Variants in PLIN3 observed in about 807,000 individuals in gnomAD.
The protein encoded by PLIN3 is perilipin-3.
A neutral mutation model predicts 35.9 loss-of-function variants in PLIN3; 30 were observed. The ratio of observed to expected loss-of-function variants is 0.84; its 90% CI spans 0.62 to 1.13. The LOEUF is 1.13. Among genes scored for constraint, PLIN3 ranks in the 50% most tolerant of loss-of-function variants. PLIN3 has a pLI of 0.00. For synonymous variants in PLIN3, 261 were observed against 262.5 expected (o/e 0.99, Z 0.06); for missense variants, 603 against 596.9 (o/e 1.01, Z -0.11).
chr19:4,856,595 G>A (rs2030483370), intron 4 of PLIN3, among the ~76,000 whole-genome samples: 1 of 151,796 alleles, frequency 6.6e-6, no homozygotes, highest in Non-Finnish European at 1.5e-5. Flanking sequence ...CCTGTGCCAG[G>A]CTGCCTGCTG....
intron 4 of PLIN3, among the ~76,000 whole-genome samples, chr19:4,856,056 C>G (rs1311538318): frequency 6.6e-6 from 1 of 152,070 alleles, no homozygotes; most frequent in African/African-American, 2.4e-5. Context: ...AGTAGGCACT[C>G]AATAGCAAGT....
At chr19:4,848,030 TTGGAGTGCA>T in intron 5 of PLIN3, 140 bp from the exon 6 acceptor site, 1 of 699,488 alleles carries the variant, frequency 1.4e-6, no homozygotes, top group Admixed American at 2.7e-5. Context: ...GTCGCCCAGG[TTGGAGTGCA>T]GTGGTGTCAT....
At chr19:4,859,543 A>G (rs750573468) in intron 4 of PLIN3, 47 bp downstream of exon 4, 2 of 1,512,484 alleles carry the variant, frequency 1.3e-6, no homozygotes, top group Admixed American at 3.3e-5. Context: ...CTCCACACCC[A>G]GGTAGGTCCC....
intron 4 of PLIN3, among the ~76,000 whole-genome samples, chr19:4,853,388 C>A (rs2030368926): frequency 6.6e-6 from 1 of 151,808 alleles, no homozygotes; most frequent in African/African-American, 2.4e-5. Context: ...TGCAATGGTG[C>A]AATCTCGATT....
chr19:4,847,842 T>A lies in PLIN3; in HGVS notation c.683A>T (p.Gln228Leu). 6.2e-7 allele frequency: 1 copy of A among 1,613,974 alleles called. No individual in the cohort carries two copies. The highest frequency in any genetic ancestry group is 8.5e-7 in the Non-Finnish European group (1 of 1,179,970). ...GAAGTAGCTCTGTTCCTGCCGCTGC[T>A]GCTGCACGGACGCGACGTCAAAGCC... ...LDGFDVASVQQQRQEQSYFVR... is the reference protein window; with the variant it reads ...LDGFDVASVQLQRQEQSYFVR... The change falls in exon 6 of 8, where the codon CAG becomes CTG. Residue 228 changes from glutamine (Q) to leucine (L), a missense_variant. By Grantham distance (113) the Gln-to-Leu change is moderately radical (BLOSUM62 -2). Transcript: ENST00000221957.
chr19:4,843,886 T>C (rs1263161153), intron 7 of PLIN3, among the ~76,000 whole-genome samples: 7 of 152,186 alleles, frequency 4.6e-5, no homozygotes, highest in Non-Finnish European at 1.0e-4. Flanking sequence ...CCACACACCC[T>C]AAAACTCGCC....
chr19:4,866,762 A>C (rs138005775), intron 1 of PLIN3: 5 of 152,448 alleles, frequency 3.3e-5, no homozygotes, highest in Non-Finnish European at 5.9e-5. Flanking sequence ...CCCACTTAGG[A>C]CTCAGGCAGC....
chr19:4,857,662 T>C (rs948461382), intron 4 of PLIN3, among the ~76,000 whole-genome samples: 1 of 152,088 alleles, frequency 6.6e-6, no homozygotes, highest in Non-Finnish European at 1.5e-5. Flanking sequence ...CAGGTCAGCA[T>C]TGCCATTCTG....
intron 7 of PLIN3, among the ~76,000 whole-genome samples, chr19:4,843,350 CA>C (rs199696337): frequency 1.3e-5 from 2 of 151,200 alleles, no homozygotes; most frequent in East Asian, 3.9e-4. Context: ...ACTAAAAATA[CA>C]AAAAAAATTA....
In PLIN3 at chr19:4,859,952, C is replaced by A. The variant is rs201172017; in HGVS notation, c.139G>T (p.Ala47Ser). 140 of 1,614,110 alleles carry A rather than the reference C, an allele frequency of 8.7e-5. No homozygotes were observed. In the Admixed American group the frequency reaches 2.3e-3, roughly 26 times the overall value. Reference sequence around the variant, plus strand: ...TGCGGGTAGCTCTCCTTGGTGGAGGCATAGGCTGCGGACACCATGTCGCAG... The same window carrying A: ...TGCGGGTAGCTCTCCTTGGTGGAGGAATAGGCTGCGGACACCATGTCGCAG... ...STCDMVSAAY[A>S]STKESYPHIK... The change falls in exon 3 of 8, where the codon GCC (alanine) becomes TCC (serine). Residue 47 changes from alanine to serine, a missense_variant. By Grantham distance (99) the Ala-to-Ser change is moderately conservative (BLOSUM62 1). Coordinates refer to ENST00000221957, the MANE Select transcript of PLIN3 (RefSeq NM_005817.5).
In PLIN3 at chr19:4,847,882, C is replaced by A. The variant is rs146856306; in HGVS notation, c.643G>T (p.Ala215Ser). 2.5e-6 allele frequency: 4 copies of A among 1,613,154 alleles called. No homozygotes were observed. The highest frequency in any genetic ancestry group is 4.5e-5 in the East Asian group (2 of 44,854). Reference protein sequence around the residue: ...PLTDAELARIATSLDGFDVAS... With the variant: ...PLTDAELARISTSLDGFDVAS... ...ACGTCAAAGCCATCCAGGGATGTGG[C>A]GATGCGGGCTGCAAGGAAAAGGAGA... Residue 215 changes from alanine (A) to serine (S), a missense_variant, in exon 6 of 8, where the codon GCC becomes TCC. Physicochemically the swap from Ala to Ser is moderately conservative, Grantham distance 99. Transcript: ENST00000221957.
rs774224975 is a variant in PLIN3 at position 4,847,832 on chromosome 19, C to T, written c.693G>A (p.Gln231=). The change falls in exon 6 of 8, where the codon CAG becomes CAA. Residue 231 remains glutamine (Q), a synonymous_variant. Transcript: ENST00000221957. The part of the protein sequence containing the change: ...FDVASVQQQR[Q]EQSYFVRLGS... ...CCAGACGTACGAAGTAGCTCTGTTC[C>T]TGCCGCTGCTGCTGCACGGACGCGA... 1.2e-6 allele frequency: 2 copies of T among 1,613,836 alleles called. No individual in the cohort carries two copies. The highest frequency in any genetic ancestry group is 1.7e-6 in the Non-Finnish European group (2 of 1,179,972).
In PLIN3 at chr19:4,852,107, C is replaced by G. The variant is rs528975808; in HGVS notation, c.543G>C (p.Leu181Phe). The G allele has an allele frequency of 6.2e-7, 1 of 1,614,034 alleles. No homozygotes were observed. Reference protein sequence around the residue: ...GGVQSVMGSRLGQMVLSGVDT... With the variant: ...GGVQSVMGSRFGQMVLSGVDT... Reference sequence around the variant, plus strand: ...CGACCCCACTCAACACCATCTGGCCCAAGCGGGAGCCCATGACCGATTGGA... The same window carrying G: ...CGACCCCACTCAACACCATCTGGCCGAAGCGGGAGCCCATGACCGATTGGA... Residue 181 changes from leucine (L) to phenylalanine (F), a missense_variant, in exon 5 of 8, where the codon TTG (leucine) becomes TTC (phenylalanine). Leu to Phe is a conservative substitution (Grantham distance 22). Transcript: ENST00000221957.
At chr19:4,840,385 T>C (rs540900660) in intron 7 of PLIN3, among the ~76,000 whole-genome samples, 22 of 135,296 alleles carry the variant, frequency 1.6e-4, no homozygotes, top group Admixed American at 1.1e-3. Flanking sequence ...CATTTCAGCC[T>C]GCCTGACTAC....
rs2030624572 is a variant in PLIN3, at chr19:4,860,094, G to A, written c.67-70C>T. ...GGGAGCTCAGCCGGAAACTCAGGGT[G>A]CCCTGCAGTTTTGCTCTTACTCCTG... On this transcript the variant is annotated intron_variant, in intron 2 of 7. Coordinates refer to ENST00000221957, the MANE Select transcript of PLIN3 (RefSeq NM_005817.5). The A allele has an allele frequency of 1.4e-5, 20 of 1,423,296 alleles. No homozygotes were observed. In the South Asian group the frequency reaches 1.8e-4, roughly 13 times the overall value. The allele number at this position is 1,423,296 out of a possible 1,614,324, so 88.2% of individuals were successfully genotyped here. A position where few individuals can be genotyped will look rare whatever the true frequency, so the allele number is the denominator to read the frequency against.
chr19:4,854,307 A>G (rs1359864959), intron 4 of PLIN3, among the ~76,000 whole-genome samples: 1 of 151,816 alleles, frequency 6.6e-6, no homozygotes, highest in Non-Finnish European at 1.5e-5. Context: ...CCCCATTCCT[A>G]CCCAAGTTGG....
In PLIN3 at chr19:4,839,211, G is replaced by A. The variant is rs765188417; in HGVS notation, c.1286C>T (p.Ala429Val). Residue 429 changes from alanine to valine, a missense_variant, in exon 8 of 8, where the codon GCC (alanine) becomes GTC (valine). Ala to Val is a moderately conservative substitution (Grantham distance 64). Transcript: ENST00000221957. ...CTCCCCCTACTTCTTCTCCTCCGGG[G>A]CTTTCTCAGTGATTCCAGGGGCAAA... is the stretch of plus-strand genomic sequence containing the variant. The part of the protein sequence containing the change: ...GPFAPGITEK[A>V]PEEKK 2.5e-5 allele frequency: 40 copies of A among 1,606,594 alleles called. No homozygotes were observed. The highest frequency in any genetic ancestry group is 3.2e-5 in the Non-Finnish European group (38 of 1,174,272).
chr19:4,841,304 AG>A (rs1408472999), intron 7 of PLIN3, among the ~76,000 whole-genome samples: 1 of 152,208 alleles, frequency 6.6e-6, no homozygotes, highest in Non-Finnish European at 1.5e-5. Flanking sequence ...GCTCTGACCC[AG>A]GCCACAGCAT....
intron 1 of PLIN3, among the ~76,000 whole-genome samples, chr19:4,865,717 T>A (rs903563527): frequency 7.5e-6 from 1 of 132,544 alleles, no homozygotes; most frequent in African/African-American, 2.8e-5. Context: ...GTTCTTTCCA[T>A]TTTTTTTTTT....
Sources: allele counts gnomAD v4.1 joint callset (sites outside exome capture counted in the v4.1 genomes callset), GRCh38; gene constraint gnomAD v4.1.1; transcripts MANE v1.5; gene names NCBI Gene and HGNC (gene_info 2026-07-23, HGNC 2026-07-21).